TCF20: variants seen among roughly 807,000 people sequenced by gnomAD.
TCF20 encodes the protein SPRE-binding protein.
TCF20 carries 3 observed loss-of-function variants against 148.6 expected under a neutral mutation model. The ratio of observed to expected loss-of-function variants is 0.02; its 90% CI spans 0.01 to 0.05. The LOEUF (loss-of-function observed/expected upper bound fraction) is 0.05, where lower values mean the gene tolerates loss of function less well. Among genes scored for constraint, TCF20 ranks in the 10% least tolerant of loss-of-function variants. TCF20 has a pLI of 1.00. For missense variants in TCF20, 2,350 were observed against 2,429.3 expected, an observed-to-expected ratio of 0.97 and a Z score of 0.69; for synonymous variants, 1,049 against 909.5, an observed-to-expected ratio of 1.15 and a Z score of -2.76.
At chr22:42,245,649 T>C (rs370317573) in intron 1 of TCF20, among the ~76,000 whole-genome samples, 203 of 152,330 alleles carry the variant, frequency 1.3e-3, no homozygotes, top group African/African-American at 4.7e-3. Context: ...TCCAGCGCGA[T>C]GTCAACCTTT....
At chr22:42,162,626 C>T (rs955511814) in intron 5 of TCF20, among the ~76,000 whole-genome samples, 1 of 152,158 alleles carries the variant, frequency 6.6e-6, no homozygotes, top group Non-Finnish European at 1.5e-5. Flanking sequence ...GCAGCCTTGC[C>T]CCTCCTTCAC....
intron 1 of TCF20, among the ~76,000 whole-genome samples, chr22:42,260,485 TTCAGA>T (rs1925969966): frequency 6.6e-6 from 1 of 152,006 alleles, no homozygotes; most frequent in Non-Finnish European, 1.5e-5. Context: ...AATAATACAG[TTCAGA>T]TAAGAGGGTA....
rs944126653 is a variant in TCF20, at chr22:42,168,708, A to G, written c.5828T>C (p.Leu1943Ser). 6.2e-7 allele frequency: 1 copy of G among 1,611,294 alleles called. No individual in the cohort carries two copies. Among genetic ancestry groups the G allele is most frequent in the Non-Finnish European group, 8.5e-7 (1 of 1,179,172 alleles). ...GCTGCCTTTCGCGGTCTTGTTCTGC[A>G]AGGGGGGGAGAGGGCACGGAAGGGG... is the stretch of plus-strand genomic sequence containing the variant. ...KPPLPCPLPP[L>S]QNKTAKGSLS... The change falls in exon 5 of 6, where the codon TTG (leucine) becomes TCG (serine). Residue 1943 changes from leucine to serine, a missense_variant. Leu to Ser is a moderately radical substitution (Grantham distance 145, BLOSUM62 -2). Transcript: ENST00000677622.
chr22:42,311,326 G>A (rs905918715), intron 1 of TCF20, among the ~76,000 whole-genome samples: 4 of 152,264 alleles, frequency 2.6e-5, no homozygotes, highest in Non-Finnish European at 5.9e-5. Flanking sequence ...GGGACTGGGG[G>A]GAAGGGCAGG....
At chr22:42,161,394 C>A in intron 5 of TCF20, 36 bp from the exon 6 acceptor site, 1 of 1,613,884 alleles carries the variant, frequency 6.2e-7, no homozygotes, top group Non-Finnish European at 8.5e-7. Context: ...AGGCCAGGAG[C>A]CTCCACAGGG....
intron 2 of TCF20, among the ~76,000 whole-genome samples, chr22:42,183,310 T>A (rs568807610): frequency 6.8e-6 from 1 of 146,176 alleles, no homozygotes; most frequent in African/African-American, 2.5e-5. Flanking sequence ...ATCTTATATA[T>A]ACAAAATCAA....
intron 1 of TCF20, among the ~76,000 whole-genome samples, chr22:42,245,402 C>T (rs562082434): frequency 2.0e-5 from 3 of 152,116 alleles, no homozygotes; most frequent in Non-Finnish European, 4.4e-5. Context: ...CCCATGGCTA[C>T]TCATCTCGGC....
chr22:42,321,547 A>G (rs1927732862), intron 1 of TCF20, among the ~76,000 whole-genome samples: 1 of 151,878 alleles, frequency 6.6e-6, no homozygotes, highest in African/African-American at 2.4e-5. Context: ...TACAATTACC[A>G]TTATAATTCC....
chr22:42,165,527 T>G lies in TCF20; in HGVS notation c.*44+3082A>C, dbSNP rs372877271. 4.6e-5 allele frequency among the ~76,000 whole-genome samples: 7 copies of G among 152,322 alleles called. No individual in the cohort carries two copies. The East Asian group carries it at 1.4e-3, about 29-fold the overall frequency. ...CAACCCCCTTGGCACAAAGAGACAGTGGGCAACCACGGGCCTGCAGAAGGA... is the reference window on the plus strand; with the variant it reads ...CAACCCCCTTGGCACAAAGAGACAGGGGGCAACCACGGGCCTGCAGAAGGA... On this transcript the variant is annotated intron_variant, in intron 5 of 5. Transcript: ENST00000677622.
chr22:42,248,023 C>T (rs1452206650), intron 1 of TCF20, among the ~76,000 whole-genome samples: 1 of 152,182 alleles, frequency 6.6e-6, no homozygotes, highest in Non-Finnish European at 1.5e-5. Context: ...GTGTCAGGCA[C>T]TACTCTAGGA....
At chr22:42,309,546 C>G (rs1285694674) in intron 1 of TCF20, among the ~76,000 whole-genome samples, 3 of 152,096 alleles carry the variant, frequency 2.0e-5, no homozygotes, top group Non-Finnish European at 4.4e-5. Flanking sequence ...GAGCTTCCCC[C>G]TCCCCACATT....
At chr22:42,288,537 GAAA>G (rs397867980), upstream of TCF20, among the ~76,000 whole-genome samples, 1 of 73,450 alleles carries the variant, frequency 1.4e-5, no homozygotes, top group Non-Finnish European at 2.6e-5. Context: ...TCCATCTCAG[GAAA>G]AAAAAAAAAA....
At chr22:42,172,536 C>T (rs1191633341) in intron 3 of TCF20, among the ~76,000 whole-genome samples, 1 of 152,224 alleles carries the variant, frequency 6.6e-6, no homozygotes, top group Non-Finnish European at 1.5e-5. Context: ...GCCTAGTCAA[C>T]AAGATGGCTT....
chr22:42,251,316 A>C (rs948149613), intron 1 of TCF20, among the ~76,000 whole-genome samples: 9 of 152,094 alleles, frequency 5.9e-5, no homozygotes, highest in African/African-American at 2.2e-4. Flanking sequence ...TCTCCCAAGT[A>C]GCTGGACTAT....
At chr22:42,192,501 G>C (rs975159289) in intron 2 of TCF20, among the ~76,000 whole-genome samples, 3 of 152,148 alleles carry the variant, frequency 2.0e-5, no homozygotes, top group Admixed American at 2.0e-4. Flanking sequence ...CCTATTCCTG[G>C]AAGTGGCAAG....
In TCF20 at chr22:42,238,285, T is replaced by C. The variant is rs1026576366; in HGVS notation, c.-36-22944A>G. Among the ~76,000 whole-genome samples the C allele has an allele frequency of 3.9e-5, 6 of 152,226 alleles. No individual in the cohort carries two copies. In the South Asian group the frequency reaches 1.0e-3, roughly 26 times the overall value. On this transcript the variant is annotated intron_variant, in intron 1 of 5. Transcript: ENST00000677622. ...AAACTTCACTTCTGCAGCTTCTTAC[T>C]TTTTTCAGCCTTCACAGAAGTGAAA...
intron 3 of TCF20, among the ~76,000 whole-genome samples, chr22:42,177,796 G>A (rs1414194935): frequency 6.6e-6 from 1 of 152,098 alleles, no homozygotes; most frequent in African/African-American, 2.4e-5. Flanking sequence ...GAGCAATTAG[G>A]GGTGCTAGGA....
intron 2 of TCF20, among the ~76,000 whole-genome samples, chr22:42,183,046 G>A (rs1016240742): frequency 6.6e-6 from 1 of 152,196 alleles, no homozygotes; most frequent in Non-Finnish European, 1.5e-5. Flanking sequence ...AGAAATGCAC[G>A]CTTTTGAGCC....
intron 1 of TCF20, among the ~76,000 whole-genome samples, chr22:42,225,506 C>T (rs1043468980): frequency 2.0e-5 from 3 of 148,316 alleles, no homozygotes; most frequent in South Asian, 2.2e-4. Flanking sequence ...CCCAGCTACT[C>T]GGGAGGCTGA....
Sources: allele counts gnomAD v4.1 joint callset (sites outside exome capture counted in the v4.1 genomes callset), GRCh38; gene constraint gnomAD v4.1.1; transcripts MANE v1.5; gene names NCBI Gene and HGNC (gene_info 2026-07-23, HGNC 2026-07-21).